Variants in GNAI2 observed in about 807,000 individuals in gnomAD.
GNAI2 encodes the protein G protein subunit alpha i2.
In GNAI2, 4 loss-of-function variants were observed where a neutral mutation model predicts 36.8. That is an observed-to-expected ratio of 0.11 (90% CI 0.05 to 0.25). GNAI2 has a LOEUF of 0.25. Among genes scored for constraint, GNAI2 ranks in the 10% least tolerant of loss-of-function variants. The pLI, the probability that GNAI2 is intolerant of heterozygous loss-of-function variation, is 1.00. For missense variants in GNAI2, 230 were observed against 481.3 expected (o/e 0.48, Z 4.89); for synonymous variants, 194 against 194.1 (o/e 1.00, Z 0.01).
In GNAI2 at chr3:50,253,302, T is replaced by G; in HGVS notation, c.464+118T>G. 1.3e-6 allele frequency: 1 copy of G among 756,886 alleles called. No homozygotes were observed. The allele number at this position is 756,886 out of a possible 1,614,324, so 46.9% of individuals were successfully genotyped here. On this transcript the variant is annotated intron_variant, in intron 4 of 8. Coordinates refer to ENST00000313601, the MANE Select transcript of GNAI2 (RefSeq NM_002070.4). The surrounding 1 kb of genome is among the most constrained non-coding windows in gnomAD (Gnocchi z 4.2). ...TGCTGGTCTTTGCTTATGAAACCGA[T>G]GACTGTTAACCAAGGCCTTCCTGTT...
chr3:50,227,135 T>C, upstream of GNAI2: 1 of 1,427,298 alleles, frequency 7.0e-7, no homozygotes, highest in South Asian at 1.4e-5. The surrounding 1 kb of genome is among the most constrained non-coding windows in gnomAD (Gnocchi z 5.9). Flanking sequence ...TGACGGAGGG[T>C]GTGAAGACGC....
chr3:50,251,926 C>A, intron 1 of GNAI2, 174 bp from the exon 2 acceptor site: 3 of 880,492 alleles, frequency 3.4e-6, no homozygotes, highest in Non-Finnish European at 5.1e-6. Context: ...TGTGGCCCTG[C>A]CAGCTGCATT....
At chr3:50,232,884 T>A (rs1341354476), upstream of GNAI2, among the ~76,000 whole-genome samples, 1 of 136,660 alleles carries the variant, frequency 7.3e-6, no homozygotes, top group Non-Finnish European at 1.6e-5. Flanking sequence ...TTGCTGTGGC[T>A]GGTGGGGGGA....
intron 8 of GNAI2, 120 bp downstream of exon 8, chr3:50,257,834 C>A: frequency 1.7e-6 from 1 of 581,560 alleles, no homozygotes; most frequent in Non-Finnish European, 3.0e-6. Flanking sequence ...AATAGGTGAC[C>A]AGGGGACAAG....
upstream of GNAI2, among the ~76,000 whole-genome samples, chr3:50,233,271 G>A (rs1181639562): frequency 6.6e-6 from 1 of 152,196 alleles, no homozygotes; most frequent in Non-Finnish European, 1.5e-5. Flanking sequence ...GGCTGGGGAA[G>A]GCCATGCCTT....
rs1417708119 is a variant in GNAI2 at position 50,236,525 on chromosome 3, G to C, written c.118+72G>C. 7.2e-6 allele frequency: 11 copies of C among 1,518,926 alleles called. No homozygotes were observed. The highest frequency in any genetic ancestry group is 2.4e-5 in the Admixed American group (1 of 41,166). 94.1% of individuals were successfully genotyped at this position (1,518,926 alleles called of 1,614,324 possible). On this transcript the variant is annotated intron_variant, in intron 1 of 8. Transcript: ENST00000313601. The surrounding 1 kb of genome is among the most constrained non-coding windows in gnomAD (Gnocchi z 4.0). ...CCCAGACAAGGACTTTGACCTCCCA[G>C]ACTAGGGCTTCAAACTCCCAGACCC...
rs1425009374 is a variant in GNAI2 at position 50,236,371 on chromosome 3, G to A, written c.36G>A (p.Ala12=). 2.6e-6 allele frequency: 4 copies of A among 1,543,712 alleles called. No individual in the cohort carries two copies. The highest frequency in any genetic ancestry group is 3.5e-6 in the Non-Finnish European group (4 of 1,152,740). Residue 12 remains alanine (A), a synonymous_variant, in exon 1 of 9, where the codon GCG becomes GCA. Coordinates refer to ENST00000313601, the MANE Select transcript of GNAI2 (RefSeq NM_002070.4). This position sits in a 1 kb window ranked among gnomAD's most constrained non-coding sequence, Gnocchi z 4.0. The part of the protein sequence containing the change: ...GCTVSAEDKA[A]AERSKMIDKN... ...CCGTGAGCGCCGAGGACAAGGCGGC[G>A]GCCGAGCGCTCTAAGATGATCGACA...
At chr3:50,250,603 G>C (rs1700531462) in intron 1 of GNAI2, among the ~76,000 whole-genome samples, 1 of 152,162 alleles carries the variant, frequency 6.6e-6, no homozygotes, top group Non-Finnish European at 1.5e-5. Flanking sequence ...GCCCAGCTGG[G>C]GGCCATTCAA....
upstream of GNAI2, among the ~76,000 whole-genome samples, chr3:50,234,030 G>C (rs587675311): frequency 1.3e-5 from 2 of 149,642 alleles, no homozygotes; most frequent in Admixed American, 1.3e-4. Context: ...TGAGTAACCA[G>C]GATTACAGGC....
In GNAI2 at chr3:50,258,978, C is replaced by G. The variant is rs920323356; in HGVS notation, c.*635C>G. 1 of 447,062 alleles carries G rather than the reference C, an allele frequency of 2.2e-6. No homozygotes were observed. Among genetic ancestry groups the G allele is most frequent in the Admixed American group, 2.5e-5 (1 of 39,512 alleles). The allele number at this position is 447,062 out of a possible 1,614,324, so 27.7% of individuals were successfully genotyped here. On this transcript the variant is annotated 3_prime_UTR_variant, in exon 9 of 9. Coordinates refer to ENST00000313601, the MANE Select transcript of GNAI2 (RefSeq NM_002070.4). ...TGTCAGATCCTGACCAGCAAGCCCC[C>G]CCCCAGCCCCCCTTCCAAGTGACTC...
chr3:50,251,457 C>A (rs1700554635), intron 1 of GNAI2: 1 of 1,051,360 alleles, frequency 9.5e-7, no homozygotes, highest in East Asian at 1.0e-4. Context: ...CCGCAGGTCT[C>A]CCAGATTCAT....
chr3:50,244,278 C>T (rs1016939753), intron 1 of GNAI2, among the ~76,000 whole-genome samples: 2 of 152,170 alleles, frequency 1.3e-5, no homozygotes, highest in Non-Finnish European at 1.5e-5. Context: ...ATTCGCCTGC[C>T]TCGGCCTCCC....
intron 1 of GNAI2, among the ~76,000 whole-genome samples, chr3:50,244,143 C>T (rs782572472): frequency 1.8e-4 from 28 of 151,748 alleles, no homozygotes; most frequent in Non-Finnish European, 3.5e-4. Flanking sequence ...ATTCTCCTGC[C>T]TCAGCCTCCT....
chr3:50,251,524 T>C (rs1406860890), intron 1 of GNAI2: 1 of 1,124,024 alleles, frequency 8.9e-7, no homozygotes, highest in African/African-American at 1.7e-5. Context: ...CCTTCTAGCC[T>C]CCATCTGCTC....
Position 50,252,246 on chromosome 3 carries a change from C to G in GNAI2, c.161+104C>G, listed in dbSNP as rs587635104. 7.0e-7 allele frequency: 1 copy of G among 1,423,128 alleles called. No individual in the cohort carries two copies. Among genetic ancestry groups the G allele is most frequent in the Admixed American group, 1.7e-5 (1 of 58,146 alleles). 88.2% of individuals were successfully genotyped at this position (1,423,128 alleles called of 1,614,324 possible). On this transcript the variant is annotated intron_variant, in intron 2 of 8. Coordinates refer to ENST00000313601, the MANE Select transcript of GNAI2 (RefSeq NM_002070.4). The surrounding 1 kb of genome is among the most constrained non-coding windows in gnomAD (Gnocchi z 4.1). ...ACAGGCCCAGCCAGTCTTAGCCAGG[C>G]CCAGAATCTTCTGAGAAGCAGAAGG...
At chr3:50,231,361 C>T (rs587708001), upstream of GNAI2, among the ~76,000 whole-genome samples, 2 of 152,242 alleles carry the variant, frequency 1.3e-5, no homozygotes, top group African/African-American at 4.8e-5. Flanking sequence ...TCACTGCAAC[C>T]TCTGCCTCTT....
At chr3:50,237,193 C>T (rs1162088515) in intron 1 of GNAI2, among the ~76,000 whole-genome samples, 2 of 152,218 alleles carry the variant, frequency 1.3e-5, no homozygotes, top group Non-Finnish European at 2.9e-5. Flanking sequence ...GGCTAGGAGG[C>T]GGGAGCCCTG....
upstream of GNAI2, among the ~76,000 whole-genome samples, chr3:50,228,890 T>C (rs1428602554): frequency 2.0e-5 from 3 of 152,210 alleles, no homozygotes; most frequent in East Asian, 5.8e-4. Flanking sequence ...AGAGCGATGC[T>C]TGTGCGTCCA....
chr3:50,250,796 G>A (rs1700536973), intron 1 of GNAI2, among the ~76,000 whole-genome samples: 1 of 151,414 alleles, frequency 6.6e-6, no homozygotes, highest in Non-Finnish European at 1.5e-5. Flanking sequence ...TCTGGGATGG[G>A]ACCTGGGAGT....
Sources: gnomAD v4.1 joint callset for allele counts (sites outside exome capture counted in the v4.1 genomes callset) on GRCh38, gnomAD v4.1.1 for gene constraint, Gnocchi (gnomAD v3.1) non-coding constraint, MANE v1.5 for transcripts, NCBI Gene and HGNC (gene_info 2026-07-23, HGNC 2026-07-21) for gene names.